NMRK1: variants seen among roughly 807,000 people sequenced by gnomAD.
NMRK1 encodes the protein NRK 1.
A neutral mutation model predicts 29.9 loss-of-function variants in NMRK1; 28 were observed. That is an observed-to-expected ratio of 0.94 (90% CI 0.69 to 1.28). The LOEUF (loss-of-function observed/expected upper bound fraction) is 1.28. NMRK1 is among the 50% of genes most tolerant of loss of function. NMRK1 has a pLI of 0.00. For synonymous variants in NMRK1, 58 were observed against 73.0 expected, an observed-to-expected ratio of 0.79 and a Z score of 1.05; for missense variants, 218 against 233.1, an observed-to-expected ratio of 0.94 and a Z score of 0.42.
intron 2 of NMRK1, 42 bp from the exon 3 acceptor site, chr9:75,077,622 T>A: frequency 3.7e-6 from 5 of 1,350,978 alleles, no homozygotes; most frequent in South Asian, 2.4e-5. Context: ...GGAAAATGCA[T>A]TAAAAATCAT....
intron 1 of NMRK1, among the ~76,000 whole-genome samples, 160 bp from the exon 2 acceptor site, chr9:75,083,310 C>T (rs553553304): frequency 6.6e-5 from 10 of 152,354 alleles, no homozygotes; most frequent in Admixed American, 4.6e-4. Context: ...ACTGGCTTCC[C>T]CTGCTACCAC....
rs753857787 is a variant in NMRK1, at chr9:75,066,735, A to C, written c.580+22T>G. 5.9e-6 allele frequency: 8 copies of C among 1,366,538 alleles called. 1 individual carries two copies. In the South Asian group the frequency reaches 8.1e-5, roughly 14 times the overall value. 84.7% of individuals were successfully genotyped at this position (1,366,538 alleles called of 1,614,324 possible). On this transcript the variant is annotated intron_variant, in intron 8 of 8. Coordinates refer to ENST00000361092, the MANE Select transcript of NMRK1 (RefSeq NM_017881.3). ...CCTGGCTGTTTCTCCTCTACCATCC[A>C]CTTTGTTAGCACAATACTTACACTT...
chr9:75,069,631 C>T (rs748306700), intron 6 of NMRK1, 111 bp downstream of exon 6: 14 of 817,126 alleles, frequency 1.7e-5, no homozygotes, highest in Non-Finnish European at 2.6e-5. Context: ...TTAAGGCTTC[C>T]TGTCTCTGAA....
intron 1 of NMRK1, among the ~76,000 whole-genome samples, chr9:75,084,382 A>G (rs1320541755): frequency 2.0e-5 from 3 of 152,192 alleles, no homozygotes; most frequent in Non-Finnish European, 2.9e-5. Flanking sequence ...GAAGAGGGCT[A>G]TTGTTGTCTG....
chr9:75,077,531 G>A lies in NMRK1; in HGVS notation c.79C>T (p.Leu27Phe), dbSNP rs1210014254. The A allele has an allele frequency of 3.1e-6, 5 of 1,613,402 alleles. No individual in the cohort carries two copies. Among genetic ancestry groups the A allele is most frequent in the Non-Finnish European group, 3.4e-6 (4 of 1,179,492 alleles). The change falls in exon 3 of 9, where the codon CTC becomes TTC. Residue 27 changes from leucine to phenylalanine, a missense_variant. Leu to Phe is a conservative substitution (Grantham distance 22). Coordinates refer to ENST00000361092, the MANE Select transcript of NMRK1 (RefSeq NM_017881.3). ...TGAGATATGACACTGCAATTTGGGA[G>A]GTGTTTCTGCAAATTCTTAGCCAGT... is the stretch of plus-strand genomic sequence containing the variant. ...TTLAKNLQKHLPNCSVISQDD... is the reference protein window; with the variant it reads ...TTLAKNLQKHFPNCSVISQDD...
At chr9:75,062,727 G>A (rs1277168636) in intron 8 of NMRK1, among the ~76,000 whole-genome samples, 1 of 152,100 alleles carries the variant, frequency 6.6e-6, no homozygotes, top group African/African-American at 2.4e-5. Context: ...CCTCCCTTTT[G>A]CTTTCTATTA....
intron 8 of NMRK1, among the ~76,000 whole-genome samples, chr9:75,063,266 A>G (rs1213288507): frequency 6.8e-6 from 1 of 146,124 alleles, no homozygotes; most frequent in Middle Eastern, 3.7e-3. Flanking sequence ...AAATTGTGCC[A>G]CTGCACTCCA....
chr9:75,075,474 G>T lies in NMRK1; in HGVS notation c.169+1685C>A, dbSNP rs139089782. On this transcript the variant is annotated intron_variant, in intron 4 of 8. Coordinates refer to ENST00000361092, the MANE Select transcript of NMRK1 (RefSeq NM_017881.3). ...CTGATTGATAACACTTTTCCTAAAA[G>T]GTTATCAGTTAAAAATAGAGAACAT... 4.2e-3 allele frequency among the ~76,000 whole-genome samples: 635 copies of T among 152,266 alleles called. 25 individuals are homozygous for T. The highest frequency in any genetic ancestry group is 0.037 in the Admixed American group (570 of 15,286).
intron 8 of NMRK1, among the ~76,000 whole-genome samples, chr9:75,062,382 T>A (rs1389570012): frequency 6.6e-6 from 1 of 152,192 alleles, no homozygotes; most frequent in Non-Finnish European, 1.5e-5. Context: ...ATTTTGCAAC[T>A]TCTTATTCTT....
intron 8 of NMRK1, among the ~76,000 whole-genome samples, chr9:75,062,427 T>C (rs1823076291): frequency 6.6e-6 from 1 of 152,218 alleles, no homozygotes; most frequent in Admixed American, 6.5e-5. Flanking sequence ...ATGTTTCTTC[T>C]GTACTAAAGG....
Position 75,060,778 on chromosome 9 carries a change from C to G in NMRK1, c.*770G>C, listed in dbSNP as rs1406531662. The G allele has an allele frequency of 6.6e-6, 1 of 151,582 alleles. No homozygotes were observed. Among genetic ancestry groups the G allele is most frequent in the Non-Finnish European group, 1.5e-5 (1 of 67,946 alleles). The allele number at this position is 151,582 out of a possible 1,614,324, so 9.4% of individuals were successfully genotyped here. On this transcript the variant is annotated 3_prime_UTR_variant, in exon 9 of 9. Coordinates refer to ENST00000361092, the MANE Select transcript of NMRK1 (RefSeq NM_017881.3). ...ACTGGTTTGACAAAAACAAAATGAA[C>G]CACGAGGGGGGAGAAAGAAACCAGA...
intron 1 of NMRK1, among the ~76,000 whole-genome samples, chr9:75,084,642 T>G (rs1824513672): frequency 6.6e-6 from 1 of 152,204 alleles, no homozygotes; most frequent in South Asian, 2.1e-4. Flanking sequence ...TACAAAAGAT[T>G]ATCCAGGCAT....
intron 1 of NMRK1, among the ~76,000 whole-genome samples, chr9:75,086,202 T>C (rs1824620167): frequency 6.7e-6 from 1 of 149,230 alleles, no homozygotes; most frequent in African/African-American, 2.5e-5. Flanking sequence ...ACCCAAAAAC[T>C]GCCTCCCATA....
At chr9:75,062,995 C>T (rs10283517) in intron 8 of NMRK1, among the ~76,000 whole-genome samples, 73,839 of 151,646 alleles carry the variant, frequency 0.49, 18,839 homozygotes, top group African/African-American at 0.64. Context: ...CGTGCCACTG[C>T]ACTCCATCCT....
chr9:75,083,416 C>T (rs1315083877), intron 1 of NMRK1, among the ~76,000 whole-genome samples: 1 of 152,300 alleles, frequency 6.6e-6, no homozygotes, highest in East Asian at 1.9e-4. Context: ...GTTTTCTGGG[C>T]GTGGAAGAAC....
chr9:75,076,665 A>C (rs1824006863), intron 4 of NMRK1, among the ~76,000 whole-genome samples: 1 of 152,112 alleles, frequency 6.6e-6, no homozygotes, highest in Non-Finnish European at 1.5e-5. Context: ...ATCTCGGTTC[A>C]CTGCAGACTC....
intron 2 of NMRK1, chr9:75,078,295 C>T (rs1209834786): frequency 1.9e-6 from 3 of 1,555,436 alleles, no homozygotes; most frequent in Non-Finnish European, 2.6e-6. Context: ...GTGGAAAAAA[C>T]AGAGGAGTGG....
chr9:75,084,436 T>C (rs148112798), intron 1 of NMRK1, among the ~76,000 whole-genome samples: 1,736 of 152,342 alleles, frequency 0.011, 32 homozygotes, highest in African/African-American at 0.04. Context: ...TACAATTGCT[T>C]AAGACTGGGG....
chr9:75,065,987 C>T (rs1823315797), intron 8 of NMRK1, among the ~76,000 whole-genome samples: 1 of 152,102 alleles, frequency 6.6e-6, no homozygotes, highest in Non-Finnish European at 1.5e-5. Context: ...CAGTGGAGAG[C>T]CTGACTTCAA....
Sources: allele counts gnomAD v4.1 joint callset (sites outside exome capture counted in the v4.1 genomes callset), GRCh38; gene constraint gnomAD v4.1.1; transcripts MANE v1.5; gene names NCBI Gene and HGNC (gene_info 2026-07-23, HGNC 2026-07-21).